Variants in PTPRD observed in about 807,000 individuals in gnomAD.
PTPRD encodes protein tyrosine phosphatase receptor type D, also known as receptor-type tyrosine-protein phosphatase delta.
A neutral mutation model predicts 214.5 loss-of-function variants in PTPRD; 34 were observed. The observed-to-expected ratio is 0.16, with a 90% CI of 0.12 to 0.21. PTPRD has a LOEUF of 0.21. Among genes scored for constraint, PTPRD ranks in the 10% least tolerant of loss-of-function variants. PTPRD has a pLI of 1.00. For missense variants in PTPRD, 2,545 were observed against 2,398.7 expected, an observed-to-expected ratio of 1.06 and a Z score of -1.27; for synonymous variants, 1,128 against 845.7, an observed-to-expected ratio of 1.33 and a Z score of -5.79.
intron 11 of PTPRD, among the ~76,000 whole-genome samples, chr9:8,753,226 G>C (rs1195077241): frequency 6.6e-6 from 1 of 152,138 alleles, no homozygotes. Context: ...CAGCAAAATT[G>C]TCCTAAAATG....
chr9:9,105,265 A>G (rs1368890294), intron 10 of PTPRD, among the ~76,000 whole-genome samples: 6 of 152,144 alleles, frequency 3.9e-5, no homozygotes, highest in Non-Finnish European at 8.8e-5. Flanking sequence ...TTCAGTGCCA[A>G]CTCAGCATTG....
intron 11 of PTPRD, among the ~76,000 whole-genome samples, chr9:8,921,980 C>G (rs1474675599): frequency 1.3e-5 from 2 of 152,100 alleles, no homozygotes; most frequent in African/African-American, 2.4e-5. Flanking sequence ...TGGCAAGGAA[C>G]AAAGACAGAT....
chr9:8,819,845 A>C (rs1313799372), intron 11 of PTPRD, among the ~76,000 whole-genome samples: 2 of 152,180 alleles, frequency 1.3e-5, no homozygotes, highest in African/African-American at 4.8e-5. Flanking sequence ...ATCAGAGAGC[A>C]CAAAACGAGC....
chr9:9,501,826 A>G (rs2096424236), intron 8 of PTPRD, among the ~76,000 whole-genome samples: 1 of 152,006 alleles, frequency 6.6e-6, no homozygotes, highest in Admixed American at 6.6e-5. Flanking sequence ...CAAAGAAGAT[A>G]TCACAAAGAA....
intron 10 of PTPRD, among the ~76,000 whole-genome samples, chr9:9,118,433 C>T (rs1278795947): frequency 1.3e-5 from 2 of 152,136 alleles, no homozygotes; most frequent in Admixed American, 6.6e-5. Flanking sequence ...ACTACATGCA[C>T]AGTGATTTAG....
intron 7 of PTPRD, among the ~76,000 whole-genome samples, chr9:9,585,892 A>G (rs531615545): frequency 1.3e-5 from 2 of 152,162 alleles, no homozygotes; most frequent in Non-Finnish European, 2.9e-5. Flanking sequence ...ATTGGAGATA[A>G]ATTAACATGG....
At chr9:10,277,891 G>T in intron 3 of PTPRD, among the ~76,000 whole-genome samples, 1 of 152,186 alleles carries the variant, frequency 6.6e-6, no homozygotes, top group East Asian at 1.9e-4. Flanking sequence ...GGGCTCGGTG[G>T]CTCATGCCTG....
intron 3 of PTPRD, among the ~76,000 whole-genome samples, chr9:10,201,384 C>A (rs1283327252): frequency 6.6e-6 from 1 of 151,976 alleles, no homozygotes; most frequent in Admixed American, 6.6e-5. Flanking sequence ...TGTAAATTGG[C>A]ATACTTAAAG....
chr9:9,090,836 A>G, intron 10 of PTPRD: 1 of 763,796 alleles, frequency 1.3e-6, no homozygotes, highest in South Asian at 1.4e-5. Flanking sequence ...ATCTTATTCC[A>G]TTGACAATGA....
intron 9 of PTPRD, among the ~76,000 whole-genome samples, chr9:9,305,725 TGAGA>T (rs963718474): frequency 2.6e-5 from 4 of 151,894 alleles, no homozygotes; most frequent in Admixed American, 2.0e-4. Flanking sequence ...ATAAGATAAA[TGAGA>T]GAGAGAAAGA....
chr9:10,007,869 T>C (rs953161678), intron 4 of PTPRD, among the ~76,000 whole-genome samples: 4 of 152,046 alleles, frequency 2.6e-5, no homozygotes, highest in African/African-American at 9.7e-5. Flanking sequence ...ATAGTTACTT[T>C]AGTAAAATTT....
intron 9 of PTPRD, among the ~76,000 whole-genome samples, chr9:9,201,844 G>T (rs1161979333): frequency 6.6e-6 from 1 of 152,146 alleles, no homozygotes; most frequent in African/African-American, 2.4e-5. Flanking sequence ...GTTGCCAAAT[G>T]TTTACCATGC....
intron 12 of PTPRD, among the ~76,000 whole-genome samples, chr9:8,669,088 C>T (rs1347605685): frequency 6.6e-6 from 1 of 152,046 alleles, no homozygotes; most frequent in African/African-American, 2.4e-5. Flanking sequence ...GAGGGAGGTA[C>T]TCCTTGCCCC....
intron 35 of PTPRD, among the ~76,000 whole-genome samples, chr9:8,430,648 G>T (rs1431785870): frequency 6.6e-6 from 1 of 151,972 alleles, no homozygotes; most frequent in African/African-American, 2.4e-5. Flanking sequence ...AGTAGCAGTG[G>T]GGTAGTACCT....
At chr9:9,618,550 T>G (rs2095044829) in intron 7 of PTPRD, among the ~76,000 whole-genome samples, 1 of 151,998 alleles carries the variant, frequency 6.6e-6, no homozygotes. Context: ...CTGATCTTGA[T>G]GTGGAAAGGG....
chr9:9,644,125 G>T (rs1262826286), intron 7 of PTPRD, among the ~76,000 whole-genome samples: 1 of 152,230 alleles, frequency 6.6e-6, no homozygotes, highest in South Asian at 2.1e-4. Context: ...AGTGTTTTTG[G>T]TAATTACATT....
At chr9:9,508,726 A>G (rs894479311) in intron 8 of PTPRD, among the ~76,000 whole-genome samples, 6 of 151,692 alleles carry the variant, frequency 4.0e-5, no homozygotes, top group African/African-American at 9.6e-5. Context: ...GGATCAATCT[A>G]CCTGGAAGAA....
chr9:8,704,702 G>C (rs956168936), intron 12 of PTPRD, among the ~76,000 whole-genome samples: 6 of 151,576 alleles, frequency 4.0e-5, no homozygotes, highest in Admixed American at 2.0e-4. Context: ...AATGAGGCGA[G>C]CGGATCACGA....
chr9:9,438,292 A>G (rs1164783959), intron 8 of PTPRD, among the ~76,000 whole-genome samples: 1 of 152,180 alleles, frequency 6.6e-6, no homozygotes, highest in Non-Finnish European at 1.5e-5. Flanking sequence ...ACTACTATTC[A>G]TTTAACAAAT....
Sources: gnomAD v4.1 joint callset for allele counts (sites outside exome capture counted in the v4.1 genomes callset) on GRCh38, gnomAD v4.1.1 for gene constraint, MANE v1.5 for transcripts, NCBI Gene and HGNC (gene_info 2026-07-23, HGNC 2026-07-21) for gene names.